The following RIMS2 variants were observed in gnomAD, a reference collection of about 807,000 sequenced individuals.
The protein encoded by RIMS2 is regulating synaptic membrane exocytosis protein 2.
RIMS2 carries 59 observed loss-of-function variants against 174.4 expected under a neutral mutation model. The observed-to-expected ratio is 0.34, with a 90% CI of 0.27 to 0.42. The LOEUF (loss-of-function observed/expected upper bound fraction) is 0.42. RIMS2 is among the 10% of genes least tolerant of loss of function. RIMS2 has a pLI of 1.00. For synonymous variants in RIMS2, 606 were observed against 572.5 expected (o/e 1.06, Z -0.84); for missense variants, 1,620 against 1,666.3 (o/e 0.97, Z 0.48).
rs1008712323 is a variant in RIMS2, at chr8:103,873,712, TTAAG to T, written c.699-11584_699-11581del. 3.6e-4 allele frequency among the ~76,000 whole-genome samples: 54 copies of T among 152,112 alleles called. 1 individual carries two copies. Among genetic ancestry groups the T allele is most frequent in the Non-Finnish European group, 5.9e-5 (4 of 68,006 alleles). On this transcript the variant is annotated intron_variant, in intron 3 of 23. Transcript: ENST00000504942. ...AATCTCAGGAAAGATTTTCATCTCA[TTAAG>T]TGACTATTTTTGCTGTAAAACTGGA... is the stretch of plus-strand genomic sequence containing the variant.
intron 19 of RIMS2, among the ~76,000 whole-genome samples, chr8:104,192,039 A>T (rs1441243868): frequency 6.6e-6 from 1 of 152,194 alleles, no homozygotes; most frequent in Non-Finnish European, 1.5e-5. Flanking sequence ...ACTATGTATG[A>T]GCCAAAAAAT....
chr8:103,781,434 G>A (rs1216803906), intron 3 of RIMS2, among the ~76,000 whole-genome samples: 1 of 152,056 alleles, frequency 6.6e-6, no homozygotes. Flanking sequence ...TTTTGGAACT[G>A]GAACAAAAGT....
chr8:104,043,458 TAGAA>T (rs749822716), intron 19 of RIMS2, among the ~76,000 whole-genome samples: 3 of 151,482 alleles, frequency 2.0e-5, no homozygotes, highest in East Asian at 3.9e-4. Context: ...GGCGGTTATA[TAGAA>T]AGAAGAAAAG....
intron 3 of RIMS2, among the ~76,000 whole-genome samples, chr8:103,796,111 C>G (rs895839535): frequency 1.1e-4 from 17 of 152,090 alleles, no homozygotes; most frequent in African/African-American, 4.1e-4. Context: ...CAACTCCCCA[C>G]AATATGTTTT....
intron 3 of RIMS2, among the ~76,000 whole-genome samples, chr8:103,816,838 C>T (rs571127333): frequency 6.6e-6 from 1 of 152,272 alleles, no homozygotes; most frequent in South Asian, 2.1e-4. Flanking sequence ...GTTTCCATTA[C>T]TTAGACCACT....
intron 2 of RIMS2, among the ~76,000 whole-genome samples, chr8:103,751,117 G>A (rs1398786986): frequency 6.6e-6 from 1 of 152,126 alleles, no homozygotes; most frequent in African/African-American, 2.4e-5. Flanking sequence ...CCAGCCACAT[G>A]GAACTGTAAG....
At chr8:103,823,618 G>A (rs1564773370) in intron 3 of RIMS2, among the ~76,000 whole-genome samples, 1 of 151,832 alleles carries the variant, frequency 6.6e-6, no homozygotes, top group Non-Finnish European at 1.5e-5. Flanking sequence ...ATTATTTTTG[G>A]TCAGAAATTC....
Position 103,784,254 on chromosome 8 carries a change from C to CAGA in RIMS2, c.698+17720_698+17722dup, listed in dbSNP as rs1302888747. Among the ~76,000 whole-genome samples, 389 of 149,156 alleles carry CAGA rather than the reference C, an allele frequency of 2.6e-3. 2 individuals are homozygous for CAGA. Among genetic ancestry groups the CAGA allele is most frequent in the African/African-American group, 9.0e-3 (366 of 40,622 alleles). On this transcript the variant is annotated intron_variant, in intron 3 of 23. Coordinates refer to ENST00000504942, the Ensembl canonical transcript of RIMS2. ...TCTGATGGTAGTTTCTTTTGCTGTG[C>CAGA]AGAAGCTCTTTAGTTTAATTAGATC...
At position 103,577,107 on chromosome 8, in the gene RIMS2, G is replaced by A. The variant is rs145916525; in HGVS notation, c.176+76045G>A. ...AATTAAACTAAAGAGCTTCTTCACA[G>A]CAGAAGGAACTATCATCAGAGTGAA... On this transcript the variant is annotated intron_variant, in intron 1 of 23. Coordinates refer to ENST00000504942, the Ensembl canonical transcript of RIMS2. Among the ~76,000 whole-genome samples, 1,031 of 152,298 alleles carry A rather than the reference G, an allele frequency of 6.8e-3. 34 individuals are homozygous for A. The highest frequency in any genetic ancestry group is 0.056 in the Admixed American group (863 of 15,292).
rs923018617 is a variant in RIMS2, at chr8:103,821,943, A to T, written c.698+55406A>T. The stretch of plus-strand genomic sequence containing the variant: ...TTAGACATCTGTGATCTTCTTAAGC[A>T]TCAATTATATAACTATCACCTCTGG... On this transcript the variant is annotated intron_variant, in intron 3 of 23. Coordinates refer to ENST00000504942, the Ensembl canonical transcript of RIMS2. 5.3e-5 allele frequency among the ~76,000 whole-genome samples: 8 copies of T among 151,656 alleles called. 1 individual carries two copies. The highest frequency in any genetic ancestry group is 3.2e-3 in the Middle Eastern group (1 of 314).
chr8:103,918,306 T>C (rs2076977428), intron 8 of RIMS2, 135 bp from the exon 12 acceptor site: 1 of 511,750 alleles, frequency 2.0e-6, no homozygotes, highest in Non-Finnish European at 3.5e-6. Flanking sequence ...GTTTCTTATT[T>C]ATATAATGCC....
chr8:103,931,396 A>G lies in RIMS2; in HGVS notation c.2375+3A>G. 3 of 1,573,842 alleles carry G rather than the reference A, an allele frequency of 1.9e-6. No homozygotes were observed. The highest frequency in any genetic ancestry group is 2.6e-6 in the Non-Finnish European group (3 of 1,160,762). The stretch of plus-strand genomic sequence containing the variant: ...ATTTACTTTCTTCCAGACAGAAGGT[A>G]AGGATATAAAACAAAATAAATGTTC... On this transcript the variant is annotated splice_donor_region_variant and intron_variant, in intron 12 of 23. Coordinates refer to ENST00000504942, the Ensembl canonical transcript of RIMS2.
intron 9 of RIMS2, among the ~76,000 whole-genome samples, chr8:103,920,116 G>A (rs934310955): frequency 1.3e-5 from 2 of 151,970 alleles, no homozygotes; most frequent in African/African-American, 2.4e-5. Context: ...TTCCAAAATC[G>A]TTTCTGAGGA....
At chr8:103,609,409 T>G (rs974186620) in intron 1 of RIMS2, among the ~76,000 whole-genome samples, 6 of 152,234 alleles carry the variant, frequency 3.9e-5, no homozygotes, top group African/African-American at 1.4e-4. Flanking sequence ...GCTGTTGGCA[T>G]CTTTGTCATG....
At chr8:103,531,248 C>T (rs559338334) in intron 1 of RIMS2, among the ~76,000 whole-genome samples, 6 of 152,000 alleles carry the variant, frequency 3.9e-5, no homozygotes, top group South Asian at 2.1e-4. Flanking sequence ...ATACCAAAAT[C>T]GACCATCTCC....
intron 3 of RIMS2, among the ~76,000 whole-genome samples, chr8:103,780,570 T>C (rs2098377619): frequency 6.6e-6 from 1 of 152,152 alleles, no homozygotes; most frequent in Non-Finnish European, 1.5e-5. Flanking sequence ...TATTTCTCAG[T>C]TGCAAGATTT....
chr8:104,199,227 AATT>A (rs1366899400), intron 19 of RIMS2, among the ~76,000 whole-genome samples: 1 of 150,422 alleles, frequency 6.6e-6, no homozygotes, highest in African/African-American at 2.4e-5. Context: ...ACGCCCGGCT[AATT>A]TTTTGTATTT....
At chr8:103,725,979 A>T (rs2097523466) in intron 2 of RIMS2, among the ~76,000 whole-genome samples, 1 of 152,102 alleles carries the variant, frequency 6.6e-6, no homozygotes, top group Non-Finnish European at 1.5e-5. Context: ...TGTCTGCTTC[A>T]ATCTTGTGCC....
At chr8:103,623,213 C>G (rs2095677921) in intron 1 of RIMS2, among the ~76,000 whole-genome samples, 1 of 152,158 alleles carries the variant, frequency 6.6e-6, no homozygotes, top group South Asian at 2.1e-4. Context: ...CCCTAACATT[C>G]ATACCTAGTA....
Sources: gnomAD v4.1 joint callset for allele counts (sites outside exome capture counted in the v4.1 genomes callset) on GRCh38, gnomAD v4.1.1 for gene constraint, MANE v1.5 for transcripts, NCBI Gene and HGNC (gene_info 2026-07-23, HGNC 2026-07-21) for gene names.